THADA: variants seen among roughly 807,000 people sequenced by gnomAD.
The protein encoded by THADA is tRNA (32-2'-O)-methyltransferase regulator THADA.
In THADA, 213 loss-of-function variants were observed where a neutral mutation model predicts 219.8. The ratio of observed to expected loss-of-function variants is 0.97; its 90% CI spans 0.87 to 1.09. THADA has a LOEUF of 1.09. THADA is among the 50% of genes least tolerant of loss of function. The pLI is 0.00. For synonymous variants in THADA, 1,018 were observed against 828.9 expected (o/e 1.23, Z -3.92); for missense variants, 2,956 against 2,311.3 (o/e 1.28, Z -5.72).
intron 29 of THADA, among the ~76,000 whole-genome samples, chr2:43,379,827 G>C (rs1484146124): frequency 6.6e-6 from 1 of 152,094 alleles, no homozygotes; most frequent in African/African-American, 2.4e-5. Flanking sequence ...AAACAAACTT[G>C]GTATATCCAT....
chr2:43,440,885 C>A (rs1680763161), intron 26 of THADA, among the ~76,000 whole-genome samples: 1 of 152,170 alleles, frequency 6.6e-6, no homozygotes, highest in African/African-American at 2.4e-5. Flanking sequence ...GGATTAAAGT[C>A]ATTCTTTTAA....
chr2:43,408,765 G>A (rs111919999), intron 28 of THADA, among the ~76,000 whole-genome samples: 183 of 152,196 alleles, frequency 1.2e-3, no homozygotes, highest in Middle Eastern at 0.01. Flanking sequence ...AACATTCCAG[G>A]CAGATAGCTA....
chr2:43,523,567 T>A (rs1327061974), intron 22 of THADA, among the ~76,000 whole-genome samples: 1 of 152,178 alleles, frequency 6.6e-6, no homozygotes, highest in Non-Finnish European at 1.5e-5. Context: ...AAATTGCTCA[T>A]CAAAAGTTTT....
At chr2:43,429,845 G>A (rs970074921) in intron 27 of THADA, among the ~76,000 whole-genome samples, 1 of 151,720 alleles carries the variant, frequency 6.6e-6, no homozygotes, top group Middle Eastern at 3.4e-3. Context: ...TTACAAAAAA[G>A]CACTTTAATA....
chr2:43,432,512 A>C (rs1049456462), intron 26 of THADA, among the ~76,000 whole-genome samples: 1 of 151,716 alleles, frequency 6.6e-6, no homozygotes, highest in Non-Finnish European at 1.5e-5. Flanking sequence ...TTCTAATATA[A>C]GACTTTTTAA....
intron 26 of THADA, among the ~76,000 whole-genome samples, chr2:43,448,560 CT>C (rs71410179): frequency 0.05 from 5,176 of 103,696 alleles, 141 homozygotes; most frequent in African/African-American, 0.15. Flanking sequence ...TTCTTCCTTT[CT>C]TTTTTTTTTT....
At chr2:43,417,479 T>C (rs928721995) in intron 28 of THADA, among the ~76,000 whole-genome samples, 26 of 152,216 alleles carry the variant, frequency 1.7e-4, no homozygotes, top group Non-Finnish European at 1.5e-5. Flanking sequence ...CAGTTTTATT[T>C]AGCAACCTGT....
rs1475049735 is a variant in THADA, at chr2:43,505,707, C to T, written c.3536G>A (p.Gly1179Asp). 7.6e-6 allele frequency: 12 copies of T among 1,587,962 alleles called. No individual in the cohort carries two copies. The highest frequency in any genetic ancestry group is 1.1e-5 in the South Asian group (1 of 87,132). Residue 1179 changes from glycine to aspartate, a missense_variant, in exon 24 of 38, where the codon GGC (glycine) becomes GAC (aspartate). Gly to Asp is a moderately conservative substitution (Grantham distance 94, BLOSUM62 -1). Coordinates refer to ENST00000405975, the MANE Select transcript of THADA (RefSeq NM_022065.5). ...QALLASEPKK[G>D]RMDLLKITMK... ...TGTTATTTTCAACAAATCCATTCTG[C>T]CTTTCTTTGGTTCAGATGCCAACAG...
At chr2:43,549,165 T>A in intron 20 of THADA, 45 bp downstream of exon 20, 1 of 1,451,562 alleles carries the variant, frequency 6.9e-7, no homozygotes. Context: ...TACATTTTAC[T>A]GGTTACTTAA....
At chr2:43,441,071 C>T (rs763996368) in intron 26 of THADA, among the ~76,000 whole-genome samples, 4 of 152,182 alleles carry the variant, frequency 2.6e-5, no homozygotes, top group Non-Finnish European at 5.9e-5. Context: ...TTTTTGACTA[C>T]ATCTTTTCAA....
intron 36 of THADA, among the ~76,000 whole-genome samples, chr2:43,267,532 C>A (rs867286331): frequency 6.6e-6 from 1 of 152,222 alleles, no homozygotes; most frequent in South Asian, 2.1e-4. Context: ...GCTCAACACA[C>A]GATTTCTGAG....
intron 21 of THADA, 78 bp downstream of exon 21, chr2:43,541,081 T>TA: frequency 8.8e-6 from 12 of 1,367,074 alleles, no homozygotes; most frequent in African/African-American, 1.5e-5. Flanking sequence ...AACCTTTTTT[T>TA]AGAGTTGGGT....
chr2:43,386,865 T>C (rs1672751767), intron 29 of THADA, among the ~76,000 whole-genome samples: 1 of 144,940 alleles, frequency 6.9e-6, no homozygotes, highest in South Asian at 2.2e-4. Context: ...GCCACTGCAC[T>C]CTCGCCTGGG....
At chr2:43,250,134 A>G (rs1669664507) in intron 36 of THADA, among the ~76,000 whole-genome samples, 1 of 152,242 alleles carries the variant, frequency 6.6e-6, no homozygotes, top group South Asian at 2.1e-4. Flanking sequence ...AGTAGCCAAG[A>G]GGTGGAAACA....
chr2:43,240,462 C>G (rs1226542496), intron 36 of THADA, among the ~76,000 whole-genome samples: 1 of 152,194 alleles, frequency 6.6e-6, no homozygotes, highest in African/African-American at 2.4e-5. Context: ...CTCGGTTCAG[C>G]TGACTCTGCC....
At chr2:43,390,225 G>A (rs1673193814) in intron 29 of THADA, among the ~76,000 whole-genome samples, 1 of 152,176 alleles carries the variant, frequency 6.6e-6, no homozygotes, top group African/African-American at 2.4e-5. Flanking sequence ...GGGTTTCAGA[G>A]TCCCCAGCAG....
intron 36 of THADA, among the ~76,000 whole-genome samples, chr2:43,260,703 T>C (rs891899914): frequency 2.0e-5 from 3 of 152,242 alleles, no homozygotes; most frequent in Admixed American, 6.5e-5. Context: ...GTTATATTTT[T>C]ATTTTATATT....
intron 22 of THADA, among the ~76,000 whole-genome samples, chr2:43,524,423 T>C (rs758196161): frequency 6.6e-6 from 1 of 152,254 alleles, no homozygotes; most frequent in Admixed American, 6.5e-5. Flanking sequence ...TCTCTTTAAG[T>C]GCTTCCTTCC....
At chr2:43,478,059 T>C (rs1258927971) in intron 26 of THADA, among the ~76,000 whole-genome samples, 1 of 152,204 alleles carries the variant, frequency 6.6e-6, no homozygotes, top group Non-Finnish European at 1.5e-5. Context: ...GATTCTCACA[T>C]TTCCTAAACT....
Sources: allele counts gnomAD v4.1 joint callset (sites outside exome capture counted in the v4.1 genomes callset), GRCh38; gene constraint gnomAD v4.1.1; transcripts MANE v1.5; gene names NCBI Gene and HGNC (gene_info 2026-07-23, HGNC 2026-07-21).